KLHL6: variants seen among roughly 807,000 people sequenced by gnomAD.
The protein encoded by KLHL6 is kelch like family member 6.
A neutral mutation model predicts 58.6 loss-of-function variants in KLHL6; 41 were observed. The observed-to-expected ratio is 0.70, with a 90% CI of 0.55 to 0.91. KLHL6 has a LOEUF of 0.91. KLHL6 is among the 40% of genes least tolerant of loss of function. KLHL6 has a pLI of 0.00. For missense variants in KLHL6, 714 were observed against 805.6 expected, an observed-to-expected ratio of 0.89 and a Z score of 1.38; for synonymous variants, 338 against 322.7, an observed-to-expected ratio of 1.05 and a Z score of -0.51.
intron 3 of KLHL6, among the ~76,000 whole-genome samples, chr3:183,502,784 A>T (rs534742932): frequency 6.6e-6 from 1 of 152,290 alleles, no homozygotes; most frequent in African/African-American, 2.4e-5. Flanking sequence ...ACCCAGCTAA[A>T]CCACTCCTAC....
chr3:183,513,199 C>T (rs181758020), intron 2 of KLHL6, among the ~76,000 whole-genome samples: 123 of 152,326 alleles, frequency 8.1e-4, no homozygotes, highest in African/African-American at 2.9e-3. Context: ...AGAGCACTTA[C>T]TATAGGCCAG....
rs1717492094 is a variant in KLHL6, at chr3:183,489,758, C to T, written c.*2169G>A. On this transcript the variant is annotated 3_prime_UTR_variant, in exon 7 of 7. Transcript: ENST00000341319. ...CTTCTAAGGCACAGAGCATTTCACACACCAACATACATTTATATTTATCTT... is the reference window on the plus strand; with the variant it reads ...CTTCTAAGGCACAGAGCATTTCACATACCAACATACATTTATATTTATCTT... 1 of 152,232 alleles carries T rather than the reference C, an allele frequency of 6.6e-6. No individual in the cohort carries two copies. Among genetic ancestry groups the T allele is most frequent in the Non-Finnish European group, 1.5e-5 (1 of 68,036 alleles). The allele number at this position is 152,232 out of a possible 1,614,324, so 9.4% of individuals were successfully genotyped here.
At chr3:183,525,675 T>C (rs530116471) in intron 2 of KLHL6, among the ~76,000 whole-genome samples, 14 of 152,338 alleles carry the variant, frequency 9.2e-5, no homozygotes, top group Admixed American at 2.6e-4. Flanking sequence ...CTCTGCCTTA[T>C]AAGAGATCAT....
At chr3:183,507,415 T>C (rs367864447) in intron 3 of KLHL6, among the ~76,000 whole-genome samples, 4 of 151,912 alleles carry the variant, frequency 2.6e-5, no homozygotes, top group Admixed American at 6.5e-5. Flanking sequence ...CTTGTTTTTT[T>C]TGTTTTTTGT....
chr3:183,540,001 A>G (rs1712500526), intron 1 of KLHL6, among the ~76,000 whole-genome samples: 1 of 152,258 alleles, frequency 6.6e-6, no homozygotes, highest in Non-Finnish European at 1.5e-5. Context: ...CGATACAGTC[A>G]CAAAGATACA....
chr3:183,500,660 G>A (rs1717843541), intron 3 of KLHL6, among the ~76,000 whole-genome samples: 1 of 152,170 alleles, frequency 6.6e-6, no homozygotes, highest in African/African-American at 2.4e-5. Flanking sequence ...ATGCCTGTAG[G>A]AGCAGTGGTA....
intron 2 of KLHL6, chr3:183,521,204 G>T (rs12495530): frequency 6.6e-6 from 1 of 152,518 alleles, no homozygotes; most frequent in African/African-American, 2.4e-5. Context: ...ATGTTTCTGC[G>T]GGCACAGGAT....
intron 3 of KLHL6, among the ~76,000 whole-genome samples, chr3:183,507,268 G>C (rs1718034540): frequency 6.6e-6 from 1 of 152,260 alleles, no homozygotes; most frequent in South Asian, 2.1e-4. Context: ...GATGAGTTTT[G>C]AGAAATTTCC....
chr3:183,489,972 G>T lies in KLHL6; in HGVS notation c.*1955C>A, dbSNP rs1489182771. The T allele has an allele frequency of 1.3e-5, 2 of 152,172 alleles. No homozygotes were observed. Among genetic ancestry groups the T allele is most frequent in the Non-Finnish European group, 1.5e-5 (1 of 68,024 alleles). 9.4% of individuals were successfully genotyped at this position (152,172 alleles called of 1,614,324 possible). ...GATATGAAATAAAACTCTATAAAGA[G>T]AATTGAAATCATATGATGAAAATAA... On this transcript the variant is annotated 3_prime_UTR_variant, in exon 7 of 7. Coordinates refer to ENST00000341319, the MANE Select transcript of KLHL6 (RefSeq NM_130446.4).
At chr3:183,500,841 AAC>A (rs1717848219) in intron 3 of KLHL6, among the ~76,000 whole-genome samples, 1 of 152,212 alleles carries the variant, frequency 6.6e-6, no homozygotes, top group African/African-American at 2.4e-5. Flanking sequence ...AGACTGATCT[AAC>A]ACAGACTACA....
chr3:183,509,696 C>T (rs1423925723), intron 2 of KLHL6, among the ~76,000 whole-genome samples: 1 of 152,194 alleles, frequency 6.6e-6, no homozygotes, highest in African/African-American at 2.4e-5. Flanking sequence ...CACACAGAGG[C>T]TTTTAAAGCT....
Position 183,508,331 on chromosome 3 carries a change from G to A in KLHL6, c.637C>T (p.Leu213=). 6.2e-7 allele frequency: 1 copy of A among 1,614,224 alleles called. No individual in the cohort carries two copies. Among genetic ancestry groups the A allele is most frequent in the Non-Finnish European group, 8.5e-7 (1 of 1,180,042 alleles). ...ATGTGGTGCAGAGTGTCCACGGGCAGGTCAAGAAACTCCTCAGAGTTCAGA... is the reference window on the plus strand; with the variant it reads ...ATGTGGTGCAGAGTGTCCACGGGCAAGTCAAGAAACTCCTCAGAGTTCAGA... ...QILNSEEFLD[L]PVDTLHHILK... The change falls in exon 3 of 7, where the codon CTG becomes TTG. Residue 213 remains leucine, a synonymous_variant. Transcript: ENST00000341319.
chr3:183,525,859 A>C (rs772792650), intron 2 of KLHL6, among the ~76,000 whole-genome samples: 72 of 152,248 alleles, frequency 4.7e-4, no homozygotes, highest in Admixed American at 1.6e-3. Flanking sequence ...TTGTGTTAGA[A>C]AAAATGGAAG....
chr3:183,539,171 A>G (rs1034044443), intron 1 of KLHL6, among the ~76,000 whole-genome samples: 2 of 152,232 alleles, frequency 1.3e-5, no homozygotes, highest in African/African-American at 4.8e-5. Flanking sequence ...AATGAAGATC[A>G]AGGTCATGGA....
intron 1 of KLHL6, among the ~76,000 whole-genome samples, chr3:183,547,854 C>G (rs1010976186): frequency 6.6e-6 from 1 of 152,154 alleles, no homozygotes. Context: ...GAAAACAGGC[C>G]TCTTCACAGA....
intron 4 of KLHL6, among the ~76,000 whole-genome samples, chr3:183,495,888 C>T (rs1414788926): frequency 2.0e-5 from 3 of 151,944 alleles, no homozygotes; most frequent in South Asian, 4.2e-4. Context: ...AGCACAGAAA[C>T]GGACTAAAAT....
intron 1 of KLHL6, among the ~76,000 whole-genome samples, chr3:183,531,197 C>G (rs1712145486): frequency 6.6e-6 from 1 of 151,998 alleles, no homozygotes; most frequent in Non-Finnish European, 1.5e-5. Flanking sequence ...ATCAGGACCA[C>G]TGCCTCGGTT....
At chr3:183,545,837 A>G (rs1402984699) in intron 1 of KLHL6, among the ~76,000 whole-genome samples, 1 of 152,214 alleles carries the variant, frequency 6.6e-6, no homozygotes, top group East Asian at 1.9e-4. Context: ...TTTTCCTGTG[A>G]TAGCCACATT....
rs113094823 is a variant in KLHL6 at position 183,491,820 on chromosome 3, T to C, written c.*107A>G. The C allele has an allele frequency of 7.9e-6, 8 of 1,010,540 alleles. No individual in the cohort carries two copies. In the African/African-American group the frequency reaches 1.1e-4, roughly 14 times the overall value. 62.6% of individuals were successfully genotyped at this position (1,010,540 alleles called of 1,614,324 possible). A position where few individuals can be genotyped will look rare whatever the true frequency, so the allele number is the denominator to read the frequency against. On this transcript the variant is annotated 3_prime_UTR_variant, in exon 7 of 7. Coordinates refer to ENST00000341319, the MANE Select transcript of KLHL6 (RefSeq NM_130446.4). ...AGTGAGTCAAGGGGATCCCCTGATG[T>C]ATGGCCTCAAACTCGAGCCTGCTGC...
Sources: gnomAD v4.1 joint callset for allele counts (sites outside exome capture counted in the v4.1 genomes callset) on GRCh38, gnomAD v4.1.1 for gene constraint, MANE v1.5 for transcripts, NCBI Gene and HGNC (gene_info 2026-07-23, HGNC 2026-07-21) for gene names.